Variants in SPIDR observed in about 807,000 individuals in gnomAD.
The protein encoded by SPIDR is scaffold protein involved in DNA repair.
Under a neutral mutation model 104.6 loss-of-function variants are expected in SPIDR, and 93 were observed. The ratio of observed to expected loss-of-function variants is 0.89; its 90% CI spans 0.75 to 1.06. The LOEUF (loss-of-function observed/expected upper bound fraction) is 1.06, where lower values mean the gene tolerates loss of function less well. Ranked by LOEUF, SPIDR falls within the 50% of genes least tolerant of loss-of-function variation. The pLI is 0.00. For missense variants in SPIDR, 1,154 were observed against 1,111.2 expected (o/e 1.04, Z -0.55); for synonymous variants, 431 against 416.9 (o/e 1.03, Z -0.41).
intron 3 of SPIDR, 81 bp from the exon 4 acceptor site, chr8:47,290,952 A>G (rs2039808041): frequency 2.7e-6 from 3 of 1,110,444 alleles, no homozygotes; most frequent in Non-Finnish European, 3.8e-6. Context: ...TGACTTTGGC[A>G]AAATTACATG....
chr8:47,363,201 T>C (rs1372754471), intron 5 of SPIDR, among the ~76,000 whole-genome samples: 16 of 113,700 alleles, frequency 1.4e-4, no homozygotes, highest in African/African-American at 3.5e-4. Flanking sequence ...TTATCTCTCT[T>C]TTTTTTTTTT....
At chr8:47,637,440 C>T (rs1000820721) in intron 10 of SPIDR, among the ~76,000 whole-genome samples, 2 of 152,020 alleles carry the variant, frequency 1.3e-5, no homozygotes, top group African/African-American at 4.8e-5. Context: ...CATGGTGGCA[C>T]GCACCTGCAG....
At chr8:47,397,461 A>T (rs2061367858) in intron 6 of SPIDR, among the ~76,000 whole-genome samples, 1 of 152,090 alleles carries the variant, frequency 6.6e-6, no homozygotes. Flanking sequence ...GTGCCATTGC[A>T]CTCCAGCCTG....
chr8:47,288,062 G>A (rs1015735679), intron 3 of SPIDR, among the ~76,000 whole-genome samples: 1 of 151,996 alleles, frequency 6.6e-6, no homozygotes, highest in Non-Finnish European at 1.5e-5. Context: ...GTTCCTCTGC[G>A]GTGGCTCCAG....
chr8:47,692,173 A>T (rs2078744291), intron 11 of SPIDR, among the ~76,000 whole-genome samples: 1 of 152,200 alleles, frequency 6.6e-6, no homozygotes, highest in South Asian at 2.1e-4. Context: ...CTTGACTGAG[A>T]TGTAATTTAC....
intron 5 of SPIDR, among the ~76,000 whole-genome samples, chr8:47,372,876 G>A (rs1045428237): frequency 1.3e-5 from 2 of 152,108 alleles, no homozygotes; most frequent in African/African-American, 4.8e-5. Context: ...TGAAGTTGGA[G>A]ACAGTAAGGC....
chr8:47,709,740 A>G (rs2081581826), intron 14 of SPIDR, among the ~76,000 whole-genome samples: 1 of 152,190 alleles, frequency 6.6e-6, no homozygotes, highest in Admixed American at 6.5e-5. Flanking sequence ...GGAGATTAGA[A>G]CATTTTGGTA....
At chr8:47,509,546 T>G (rs2082003228) in intron 8 of SPIDR, among the ~76,000 whole-genome samples, 1 of 152,214 alleles carries the variant, frequency 6.6e-6, no homozygotes, top group Non-Finnish European at 1.5e-5. Context: ...GCAACTGTGA[T>G]GAACTCCCAG....
chr8:47,644,463 C>G (rs1161494535), intron 10 of SPIDR, among the ~76,000 whole-genome samples: 1 of 152,182 alleles, frequency 6.6e-6, no homozygotes, highest in Non-Finnish European at 1.5e-5. Context: ...AATTATGAAG[C>G]ACCTCCTCGT....
At position 47,288,270 on chromosome 8, in the gene SPIDR, G is replaced by T. The variant is rs1023224229; in HGVS notation, c.257-2763G>T. Among the ~76,000 whole-genome samples, 43 of 151,416 alleles carry T rather than the reference G, an allele frequency of 2.8e-4. No individual in the cohort carries two copies. The South Asian group carries it at 9.0e-3, about 32-fold the overall frequency. On this transcript the variant is annotated intron_variant, in intron 3 of 19. Transcript: ENST00000297423. The stretch of plus-strand genomic sequence containing the variant: ...TTTCCATGAATTCATTTCATAATTT[G>T]CAAATAGTGATAACTTCCTTCTTTT...
chr8:47,453,437 G>C (rs1554707540), intron 8 of SPIDR, among the ~76,000 whole-genome samples: 1 of 152,172 alleles, frequency 6.6e-6, no homozygotes, highest in African/African-American at 2.4e-5. Flanking sequence ...GAGCAAAGCT[G>C]GAGGCATCAC....
chr8:47,514,498 A>G (rs1000954472), intron 8 of SPIDR, among the ~76,000 whole-genome samples: 2 of 152,184 alleles, frequency 1.3e-5, no homozygotes, highest in African/African-American at 2.4e-5. Context: ...AGAAATATGT[A>G]TAGTGTTACT....
At chr8:47,292,664 G>T (rs2040126278) in intron 4 of SPIDR, among the ~76,000 whole-genome samples, 1 of 152,126 alleles carries the variant, frequency 6.6e-6, no homozygotes, top group South Asian at 2.1e-4. Context: ...AAGTGTAATA[G>T]TAGCAGTCTT....
At chr8:47,533,516 A>T (rs759887473) in intron 8 of SPIDR, among the ~76,000 whole-genome samples, 1 of 152,196 alleles carries the variant, frequency 6.6e-6, no homozygotes, top group African/African-American at 2.4e-5. Flanking sequence ...TTTGCAAACT[A>T]TGCATCTGAC....
chr8:47,698,510 T>C (rs2079670265), intron 11 of SPIDR, among the ~76,000 whole-genome samples: 1 of 152,250 alleles, frequency 6.6e-6, no homozygotes, highest in South Asian at 2.1e-4. Flanking sequence ...TGATTTTTTA[T>C]GAGACTAAGC....
chr8:47,668,555 C>T (rs1472273885), intron 10 of SPIDR, among the ~76,000 whole-genome samples: 1 of 151,452 alleles, frequency 6.6e-6, no homozygotes, highest in Non-Finnish European at 1.5e-5. Flanking sequence ...GAAAAACTAC[C>T]AACAATAAAA....
intron 14 of SPIDR, among the ~76,000 whole-genome samples, chr8:47,709,906 A>C (rs915419359): frequency 7.6e-6 from 1 of 131,700 alleles, no homozygotes; most frequent in African/African-American, 3.1e-5. Context: ...TTTTTTTGAG[A>C]TGCTCTGTCA....
At chr8:47,624,954 A>G (rs934490647) in intron 10 of SPIDR, among the ~76,000 whole-genome samples, 10 of 152,200 alleles carry the variant, frequency 6.6e-5, no homozygotes, top group African/African-American at 2.2e-4. Flanking sequence ...TTTTAGACCA[A>G]TGTCCTTGAT....
chr8:47,535,899 C>T (rs964229112), intron 8 of SPIDR, among the ~76,000 whole-genome samples: 4 of 152,044 alleles, frequency 2.6e-5, no homozygotes, highest in East Asian at 1.9e-4. Context: ...TTGCAGATAA[C>T]GTGATTGTGT....
Sources: allele counts gnomAD v4.1 joint callset (sites outside exome capture counted in the v4.1 genomes callset), GRCh38; gene constraint gnomAD v4.1.1; transcripts MANE v1.5; gene names NCBI Gene and HGNC (gene_info 2026-07-23, HGNC 2026-07-21).